Variants in CDADC1 observed in about 807,000 individuals in gnomAD.
CDADC1 encodes the protein dCTP deaminase.
In CDADC1, 39 loss-of-function variants were observed where a neutral mutation model predicts 54.9. That is an observed-to-expected ratio of 0.71 (90% CI 0.55 to 0.93). CDADC1 has a LOEUF of 0.93. Ranked by LOEUF, CDADC1 falls within the 40% of genes least tolerant of loss-of-function variation. The pLI is 0.00. For missense variants in CDADC1, 518 were observed against 618.8 expected (o/e 0.84, Z 1.73); for synonymous variants, 186 against 204.0 (o/e 0.91, Z 0.75).
chr13:49,258,013 CA>C (rs1432369227), intron 3 of CDADC1, among the ~76,000 whole-genome samples: 1 of 152,174 alleles, frequency 6.6e-6, no homozygotes, highest in African/African-American at 2.4e-5. Context: ...TCCTTAGGTA[CA>C]TATTTTGTAA....
At chr13:49,264,809 T>C (rs543473319) in intron 4 of CDADC1, among the ~76,000 whole-genome samples, 36 of 152,314 alleles carry the variant, frequency 2.4e-4, no homozygotes, top group Non-Finnish European at 5.1e-4. Context: ...ATCAAGTCTT[T>C]ATGTGCCAGC....
intron 3 of CDADC1, among the ~76,000 whole-genome samples, chr13:49,258,232 T>C (rs1479933105): frequency 6.6e-6 from 1 of 152,228 alleles, no homozygotes; most frequent in Non-Finnish European, 1.5e-5. Flanking sequence ...TTAAAGTGAT[T>C]TCAGATATGC....
At chr13:49,273,440 A>T (rs1953022703) in intron 5 of CDADC1, among the ~76,000 whole-genome samples, 1 of 152,250 alleles carries the variant, frequency 6.6e-6, no homozygotes, top group Non-Finnish European at 1.5e-5. Flanking sequence ...TGTCTTAGAA[A>T]TTTGAAACTC....
At chr13:49,250,558 T>G (rs1362736868) in intron 2 of CDADC1, among the ~76,000 whole-genome samples, 1 of 152,138 alleles carries the variant, frequency 6.6e-6, no homozygotes, top group Non-Finnish European at 1.5e-5. Context: ...ATGGAAAAGC[T>G]TGGAGCAATG....
intron 2 of CDADC1, among the ~76,000 whole-genome samples, chr13:49,252,038 C>T (rs1952445103): frequency 6.6e-6 from 1 of 152,174 alleles, no homozygotes; most frequent in South Asian, 2.1e-4. Context: ...AGTTATAACA[C>T]ATAGAAATGA....
At chr13:49,284,890 TA>T (rs1264073474) in intron 8 of CDADC1, among the ~76,000 whole-genome samples, 2 of 152,194 alleles carry the variant, frequency 1.3e-5, no homozygotes, top group East Asian at 3.9e-4. Flanking sequence ...GTTAAGTCAT[TA>T]GTGATTCTGA....
intron 3 of CDADC1, among the ~76,000 whole-genome samples, chr13:49,258,455 G>C (rs1458760788): frequency 6.6e-6 from 1 of 152,038 alleles, no homozygotes. Flanking sequence ...ACCTTAGTCT[G>C]TTTTATCTGA....
chr13:49,256,882 A>G (rs1464225992), intron 3 of CDADC1, among the ~76,000 whole-genome samples: 1 of 152,240 alleles, frequency 6.6e-6, no homozygotes, highest in Non-Finnish European at 1.5e-5. Flanking sequence ...GAAAAAAAAT[A>G]GTGAATCACC....
intron 4 of CDADC1, chr13:49,265,903 C>G: frequency 7.7e-7 from 1 of 1,303,058 alleles, no homozygotes; most frequent in South Asian, 1.2e-5. Context: ...GCTAAGATGC[C>G]TAGATGAAAG....
At chr13:49,248,727 C>G (rs903496694) in intron 1 of CDADC1, 144 bp from the exon 2 acceptor site, 2 of 659,744 alleles carry the variant, frequency 3.0e-6, no homozygotes, top group Non-Finnish European at 5.5e-6. Flanking sequence ...GCTAAGATAC[C>G]TCTGACTCTC....
At chr13:49,261,276 C>T (rs1481109776) in intron 4 of CDADC1, among the ~76,000 whole-genome samples, 1 of 152,184 alleles carries the variant, frequency 6.6e-6, no homozygotes, top group Non-Finnish European at 1.5e-5. Context: ...GGCTAGAAAC[C>T]TCTCGGCCTG....
intron 4 of CDADC1, 125 bp from the exon 5 acceptor site, chr13:49,267,365 A>G (rs1012903822): frequency 1.3e-5 from 11 of 822,680 alleles, no homozygotes; most frequent in Non-Finnish European, 1.9e-5. Context: ...ATAATAGGTG[A>G]CTTGGTAATA....
chr13:49,280,659 C>CA lies in CDADC1; in HGVS notation c.1372dup (p.Met458AsnfsTer7). The CA allele has an allele frequency of 6.3e-7, 1 of 1,598,348 alleles. No homozygotes were observed. Among genetic ancestry groups the CA allele is most frequent in the South Asian group, 1.1e-5 (1 of 88,004 alleles). On this transcript the variant is annotated frameshift_variant, in exon 8 of 10. Transcript: ENST00000251108. LOFTEE classifies it high-confidence loss of function. ...GAAAAAAGAAGGCAGACATCTCTTA[C>CA]ATGAGGTTCGGGGAGCTTGAAGGTG...
intron 8 of CDADC1, among the ~76,000 whole-genome samples, chr13:49,284,320 T>C (rs1171723992): frequency 6.6e-6 from 1 of 152,228 alleles, no homozygotes; most frequent in Non-Finnish European, 1.5e-5. Context: ...AACTCATAGA[T>C]ACCACAATTA....
At chr13:49,285,659 CACTT>C (rs1953492511) in intron 8 of CDADC1, among the ~76,000 whole-genome samples, 1 of 152,104 alleles carries the variant, frequency 6.6e-6, no homozygotes, top group Non-Finnish European at 1.5e-5. Context: ...TCTGGTCTTC[CACTT>C]ACTTCCAATT....
intron 5 of CDADC1, among the ~76,000 whole-genome samples, chr13:49,269,410 CTA>C (rs1219869378): frequency 6.6e-6 from 1 of 152,154 alleles, no homozygotes; most frequent in African/African-American, 2.4e-5. Context: ...TGGCCAAGTT[CTA>C]TGTTTTTAAA....
At position 49,259,401 on chromosome 13, in the gene CDADC1, G is replaced by C. The variant is rs1198953398; in HGVS notation, c.308G>C (p.Cys103Ser). 4.3e-6 allele frequency: 7 copies of C among 1,613,882 alleles called. No individual in the cohort carries two copies. The South Asian group carries it at 6.6e-5, about 15-fold the overall frequency. Reference sequence around the variant, plus strand: ...AACATGAAAATTGTTGGTCTCCACTGTTCTAGTGAAGATTTACATGCCGGG... The same window carrying C: ...AACATGAAAATTGTTGGTCTCCACTCTTCTAGTGAAGATTTACATGCCGGG... ...VKNMKIVGLH[C>S]SSEDLHAGQI... Residue 103 changes from cysteine (C) to serine (S), a missense_variant, in exon 4 of 10, where the codon TGT becomes TCT. Physicochemically the swap from Cys to Ser is moderately radical, Grantham distance 112 (BLOSUM62 -1). Transcript: ENST00000251108.
intron 4 of CDADC1, 66 bp from the exon 5 acceptor site, chr13:49,267,424 A>T (rs2138219688): frequency 7.7e-7 from 1 of 1,296,936 alleles, no homozygotes; most frequent in East Asian, 2.3e-5. Context: ...GATAGGGTGG[A>T]TTTTATAATG....
intron 9 of CDADC1, among the ~76,000 whole-genome samples, chr13:49,291,180 T>C: frequency 6.6e-6 from 1 of 151,150 alleles, no homozygotes. Context: ...GTTTTTTTTT[T>C]TTTTGAGACA....
Sources: gnomAD v4.1 joint callset for allele counts (sites outside exome capture counted in the v4.1 genomes callset) on GRCh38, gnomAD v4.1.1 for gene constraint, MANE v1.5 for transcripts, NCBI Gene and HGNC (gene_info 2026-07-23, HGNC 2026-07-21) for gene names.